CBLC: variants seen among roughly 807,000 people sequenced by gnomAD.
CBLC encodes E3 ubiquitin-protein ligase CBL-C.
In CBLC, 46 loss-of-function variants were observed where a neutral mutation model predicts 58.6. The observed-to-expected ratio is 0.79, with a 90% CI of 0.62 to 1.00. The LOEUF (loss-of-function observed/expected upper bound fraction) is 1.00, where lower values mean the gene tolerates loss of function less well. CBLC is among the 50% of genes least tolerant of loss of function. CBLC has a pLI of 0.00. For missense variants in CBLC, 655 were observed against 625.8 expected (o/e 1.05, Z -0.50); for synonymous variants, 271 against 264.2 (o/e 1.03, Z -0.25).
At chr19:44,795,119 G>A (rs1029621571) in intron 9 of CBLC, among the ~76,000 whole-genome samples, 11 of 152,106 alleles carry the variant, frequency 7.2e-5, no homozygotes, top group African/African-American at 2.6e-4. Context: ...CACCATGCCC[G>A]ACTAATTTTT....
Position 44,781,006 on chromosome 19 carries a change from C to T in CBLC, c.455C>T (p.Thr152Ile), listed in dbSNP as rs1346752627. 1.2e-6 allele frequency: 2 copies of T among 1,613,536 alleles called. No individual in the cohort carries two copies. The highest frequency in any genetic ancestry group is 2.2e-5 in the East Asian group (1 of 44,880). ...TACTGTGGACACATGTACCAGCTCACCAAGGCCCCCGCCCACACCTTCTGG... is the reference window on the plus strand; with the variant it reads ...TACTGTGGACACATGTACCAGCTCATCAAGGCCCCCGCCCACACCTTCTGG... ...GKYCGHMYQL[T>I]KAPAHTFWRE... is the part of the protein sequence containing the mutation. The change falls in exon 2 of 11, where the codon ACC becomes ATC. Residue 152 changes from threonine to isoleucine, a missense_variant. Thr to Ile is a moderately conservative substitution (Grantham distance 89). Transcript: ENST00000647358.
At chr19:44,800,506 A>C in intron 10 of CBLC, 45 bp from the exon 11 acceptor site, 1 of 1,140,180 alleles carries the variant, frequency 8.8e-7, no homozygotes, top group Non-Finnish European at 1.3e-6. Context: ...ACCCTCCTCC[A>C]CCTGGAGGTG....
intron 5 of CBLC, among the ~76,000 whole-genome samples, chr19:44,784,701 G>A (rs1439784204): frequency 2.0e-5 from 3 of 152,172 alleles, no homozygotes; most frequent in Non-Finnish European, 2.9e-5. Context: ...GCTCAAGAGC[G>A]TTTGCTTCTA....
chr19:44,786,223 A>G (rs1225835136), intron 5 of CBLC, among the ~76,000 whole-genome samples: 1 of 152,002 alleles, frequency 6.6e-6, no homozygotes, highest in Non-Finnish European at 1.5e-5. Context: ...GCACGCCACC[A>G]CGCCCGGCTG....
rs2965120 is a variant in CBLC at position 44,787,483 on chromosome 19, A to T, written c.918-2521A>T. ...CACAGAGGAGGACGCTGCATTTAAA[A>T]TTTTTTTCTAATTTAAAAAATTTAT... On this transcript the variant is annotated intron_variant, in intron 5 of 10. Coordinates refer to ENST00000647358, the MANE Select transcript of CBLC (RefSeq NM_012116.4). Among the ~76,000 whole-genome samples the T allele has an allele frequency of 1.4e-3, 212 of 151,610 alleles. 3 individuals are homozygous for T. Among genetic ancestry groups the T allele is most frequent in the African/African-American group, 4.7e-3 (196 of 41,362 alleles).
At chr19:44,788,253 G>A (rs1434987723) in intron 5 of CBLC, among the ~76,000 whole-genome samples, 3 of 151,676 alleles carry the variant, frequency 2.0e-5, no homozygotes, top group East Asian at 3.9e-4. Context: ...CTGAGTAGCT[G>A]AGACCACACG....
At chr19:44,797,322 C>T (rs2927443) in intron 9 of CBLC, among the ~76,000 whole-genome samples, 1 of 151,966 alleles carries the variant, frequency 6.6e-6, no homozygotes. Flanking sequence ...ACGATCTCAG[C>T]CCATTGCAAC....
intron 9 of CBLC, among the ~76,000 whole-genome samples, chr19:44,797,631 T>C (rs1017308870): frequency 5.6e-5 from 8 of 142,428 alleles, no homozygotes; most frequent in Non-Finnish European, 1.2e-4. Flanking sequence ...GGCGTGCACC[T>C]GTAATCCCAG....
At position 44,778,067 on chromosome 19, in the gene CBLC, G is replaced by A. The variant is rs1967615618; in HGVS notation, c.136G>A (p.Asp46Asn). Residue 46 changes from aspartate to asparagine, a missense_variant, in exon 1 of 11, where the codon GAC becomes AAC. Around this residue, in one of 3 missense-constraint regions of CBLC, gnomAD observed 280 missense variants for 237.2 expected, o/e 1.18. Transcript: ENST00000647358. ...RLSVSPPSLR[D>N]LLPRTAQLLR... is the part of the protein sequence containing the mutation. Reference sequence around the variant, plus strand: ...GTCCGTGAGTCCCCCTTCGCTGCGGGACCTGCTGCCCCGCACAGCGCAGCT... The same window carrying A: ...GTCCGTGAGTCCCCCTTCGCTGCGGAACCTGCTGCCCCGCACAGCGCAGCT... The A allele has an allele frequency of 7.5e-6, 12 of 1,608,518 alleles. No homozygotes were observed. Among genetic ancestry groups the A allele is most frequent in the Non-Finnish European group, 9.3e-6 (11 of 1,179,638 alleles).
At chr19:44,782,660 G>A (rs1211077711) in intron 4 of CBLC, among the ~76,000 whole-genome samples, 169 bp downstream of exon 4, 3 of 152,060 alleles carry the variant, frequency 2.0e-5, no homozygotes, top group East Asian at 1.9e-4. Context: ...CTCCCAGCCC[G>A]CCTCTTCTCT....
At chr19:44,785,388 G>A (rs1376168641) in intron 5 of CBLC, among the ~76,000 whole-genome samples, 1 of 151,926 alleles carries the variant, frequency 6.6e-6, no homozygotes. Flanking sequence ...TTACAGGTGT[G>A]AGCCACTGTG....
At chr19:44,800,176 C>CA (rs1341375562) in intron 9 of CBLC, among the ~76,000 whole-genome samples, 5 of 152,214 alleles carry the variant, frequency 3.3e-5, no homozygotes, top group Non-Finnish European at 7.3e-5. Context: ...CTCCTCCCCC[C>CA]AGGCACTTTT....
rs952137350 is a variant in CBLC, at chr19:44,792,441, C to T, written c.1064C>T (p.Ala355Val). The T allele has an allele frequency of 3.1e-6, 5 of 1,613,466 alleles. No individual in the cohort carries two copies. The highest frequency in any genetic ancestry group is 2.7e-5 in the African/African-American group (2 of 75,020). ...DSTFELCKICAESNKDVKIEP... is the reference protein window; with the variant it reads ...DSTFELCKICVESNKDVKIEP... ...ACATTTGAGCTCTGCAAGATCTGTG[C>T]TGAGAGCAACAAGGATGTGAAGATT... Residue 355 changes from alanine (A) to valine (V), a missense_variant, in exon 7 of 11, where the codon GCT (alanine) becomes GTT (valine). By Grantham distance (64) the Ala-to-Val change is moderately conservative. Coordinates refer to ENST00000647358, the MANE Select transcript of CBLC (RefSeq NM_012116.4).
At chr19:44,799,609 GGTGTGAGCCACCGCGC>G (rs1968245300) in intron 9 of CBLC, among the ~76,000 whole-genome samples, 1 of 152,004 alleles carries the variant, frequency 6.6e-6, no homozygotes, top group Non-Finnish European at 1.5e-5. Flanking sequence ...TGGGATTACG[GGTGTGAGCCACCGCGC>G]GTGGCCCCTG....
Position 44,778,232 on chromosome 19 carries a change from C to T in CBLC, c.301C>T (p.Arg101Trp), listed in dbSNP as rs967594513. ...GCAGGTGGCCGCGCTGCTGCCTCCC[C>T]GGGGCCGAAGGAGTGCCAACGACGA... ...SRQVAALLPPRGRRSANDELF... is the reference protein window; with the variant it reads ...SRQVAALLPPWGRRSANDELF... Residue 101 changes from arginine to tryptophan, a missense_variant, in exon 1 of 11, where the codon CGG becomes TGG. By Grantham distance (101) the Arg-to-Trp change is moderately radical. This residue lies in a region of CBLC where 280 missense variants were observed against 237.2 expected (regional missense o/e 1.18). Transcript: ENST00000647358. The T allele has an allele frequency of 1.4e-6, 2 of 1,461,482 alleles. No homozygotes were observed. Among genetic ancestry groups the T allele is most frequent in the Non-Finnish European group, 9.0e-7 (1 of 1,108,316 alleles). 90.5% of individuals were successfully genotyped at this position (1,461,482 alleles called of 1,614,324 possible).
At chr19:44,784,884 T>C (rs1252842634) in intron 5 of CBLC, among the ~76,000 whole-genome samples, 1 of 146,462 alleles carries the variant, frequency 6.8e-6, no homozygotes, top group Non-Finnish European at 1.5e-5. Flanking sequence ...TTTCTAGATA[T>C]GAGATCCTGC....
Position 44,793,603 on chromosome 19 carries a change from G to A in CBLC, c.1267G>A (p.Glu423Lys), listed in dbSNP as rs994347051. The change falls in exon 8 of 11, where the codon GAG becomes AAG. Residue 423 changes from glutamate (E) to lysine (K), a missense_variant. Around this residue, in one of 3 missense-constraint regions of CBLC, gnomAD observed 371 missense variants for 370.8 expected, o/e 1.00. Coordinates refer to ENST00000647358, the MANE Select transcript of CBLC (RefSeq NM_012116.4). ...SGNSSDQEGR[E>K]LELGQVPLSA... is the part of the protein sequence containing the mutation. ...GAACAGCAGTGACCAGGAAGGCAGG[G>A]AGTTGGAGCTGGGGCAGGTGAGCAG... 1.9e-6 allele frequency: 3 copies of A among 1,604,418 alleles called. No homozygotes were observed. The Admixed American group carries it at 5.2e-5, about 28-fold the overall frequency.
chr19:44,793,109 G>C (rs1051309737), intron 7 of CBLC, among the ~76,000 whole-genome samples: 15 of 152,164 alleles, frequency 9.9e-5, no homozygotes, highest in Non-Finnish European at 1.9e-4. Flanking sequence ...CAGAGATCGT[G>C]CCGCTGCACT....
At chr19:44,789,733 C>G (rs1055909607) in intron 5 of CBLC, among the ~76,000 whole-genome samples, 5 of 152,146 alleles carry the variant, frequency 3.3e-5, no homozygotes. Flanking sequence ...CTTAGTCTAT[C>G]TCATCCTTGT....
Sources: allele counts gnomAD v4.1 joint callset (sites outside exome capture counted in the v4.1 genomes callset), GRCh38; gene constraint gnomAD v4.1.1; regional missense constraint gnomAD v4.1.1; transcripts MANE v1.5; gene names NCBI Gene and HGNC (gene_info 2026-07-23, HGNC 2026-07-21).